LCORL: variants seen among roughly 807,000 people sequenced by gnomAD.
LCORL encodes ligand dependent nuclear receptor corepressor like.
LCORL carries 41 observed loss-of-function variants against 141.8 expected under a neutral mutation model. The ratio of observed to expected loss-of-function variants is 0.29; its 90% CI spans 0.23 to 0.38. The LOEUF (loss-of-function observed/expected upper bound fraction) is 0.38. Ranked by LOEUF, LCORL falls within the 10% of genes least tolerant of loss-of-function variation. The probability of loss-of-function intolerance (pLI) is 1.00; values close to 1 mark genes in which losing one functional copy is unlikely to be tolerated. For synonymous variants in LCORL, 618 were observed against 694.1 expected (o/e 0.89, Z 1.72); for missense variants, 1,759 against 2,035.0 (o/e 0.86, Z 2.61).
chr4:17,985,022 TAAAC>T (rs1718707018), intron 1 of LCORL, among the ~76,000 whole-genome samples: 1 of 151,946 alleles, frequency 6.6e-6, no homozygotes, highest in South Asian at 2.1e-4. Context: ...ATCCAAAAGA[TAAAC>T]AACGTGCTAT....
chr4:17,915,607 C>G (rs1267114660), intron 4 of LCORL, among the ~76,000 whole-genome samples: 2 of 152,126 alleles, frequency 1.3e-5, no homozygotes, highest in African/African-American at 2.4e-5. Context: ...ATAGCCACAG[C>G]CTTTAAGAAG....
intron 1 of LCORL, among the ~76,000 whole-genome samples, chr4:18,008,861 T>C (rs1723221175): frequency 1.3e-5 from 2 of 152,206 alleles, no homozygotes; most frequent in South Asian, 2.1e-4. Flanking sequence ...TGTTTTTAAA[T>C]ACTTTTATGT....
intron 7 of LCORL, among the ~76,000 whole-genome samples, chr4:17,852,162 T>C (rs1723804096): frequency 6.6e-6 from 1 of 152,150 alleles, no homozygotes; most frequent in Non-Finnish European, 1.5e-5. Flanking sequence ...CTCTGTTTCA[T>C]AAAATGATTA....
chr4:17,957,690 T>G (rs1712951412), intron 4 of LCORL, among the ~76,000 whole-genome samples: 1 of 152,018 alleles, frequency 6.6e-6, no homozygotes, highest in Admixed American at 6.6e-5. Flanking sequence ...GTTCTTAGAA[T>G]TTGTTTACTA....
intron 1 of LCORL, among the ~76,000 whole-genome samples, chr4:17,999,009 CAT>C (rs146713785): frequency 0.059 from 5,837 of 99,312 alleles, 183 homozygotes; most frequent in Middle Eastern, 0.09. Flanking sequence ...TATATACACA[CAT>C]ATATATATAT....
At chr4:17,877,883 A>G in exon 7 of LCORL, 1 of 1,230,734 alleles carries the variant, frequency 8.1e-7, no homozygotes, top group Non-Finnish European at 1.0e-6. Context: ...AAGATAAACA[A>G]TGTAAATCTT....
chr4:17,843,157 G>T, exon 8 of LCORL: 1 of 825,922 alleles, frequency 1.2e-6, no homozygotes, highest in East Asian at 2.7e-5. Flanking sequence ...TTGACATTGA[G>T]ATTTTAGTTT....
rs181569406 is a variant in LCORL, at chr4:17,900,519, A to G, written c.682+8575T>C. Among the ~76,000 whole-genome samples the G allele has an allele frequency of 4.0e-4, 61 of 152,300 alleles. 1 individual carries two copies. The South Asian group carries it at 0.011, about 28-fold the overall frequency. ...GTCTTCCTCAACGATCTTATCTAAA[A>G]TAACCTCTCAGTCACTTTTGATATC... On this transcript the variant is annotated intron_variant, in intron 5 of 7. Transcript: ENST00000635767.
At chr4:17,911,473 G>T (rs1577394874) in intron 4 of LCORL, among the ~76,000 whole-genome samples, 2 of 152,324 alleles carry the variant, frequency 1.3e-5, no homozygotes, top group East Asian at 3.9e-4. Flanking sequence ...CAGTATCAGT[G>T]CAACATGAGT....
intron 1 of LCORL, among the ~76,000 whole-genome samples, chr4:18,012,699 A>T (rs1056227026): frequency 5.9e-5 from 9 of 152,214 alleles, no homozygotes; most frequent in African/African-American, 1.9e-4. Context: ...TACATGTAGA[A>T]TCCATACTAA....
chr4:17,956,806 C>T (rs115243813), intron 4 of LCORL, among the ~76,000 whole-genome samples: 30 of 151,912 alleles, frequency 2.0e-4, no homozygotes, highest in African/African-American at 7.0e-4. Flanking sequence ...GTTCTCAACA[C>T]AAAAATAACT....
chr4:17,982,773 T>C (rs1275500925), intron 1 of LCORL, among the ~76,000 whole-genome samples: 2 of 151,932 alleles, frequency 1.3e-5, no homozygotes, highest in Non-Finnish European at 2.9e-5. Context: ...CTTTAATTAG[T>C]TCCCATTTGC....
intron 6 of LCORL, chr4:17,881,792 T>C: frequency 3.1e-6 from 3 of 981,570 alleles, no homozygotes; most frequent in Non-Finnish European, 2.4e-6. Flanking sequence ...AAATTCTGTA[T>C]AAAGAGGTCA....
intron 1 of LCORL, among the ~76,000 whole-genome samples, chr4:18,000,334 CAG>C (rs981800552): frequency 9.2e-5 from 14 of 152,216 alleles, no homozygotes; most frequent in African/African-American, 3.4e-4. Context: ...ATAAAGGAAA[CAG>C]AGTGATTATC....
chr4:17,859,189 G>C (rs1343580382), intron 7 of LCORL, among the ~76,000 whole-genome samples: 1 of 152,184 alleles, frequency 6.6e-6, no homozygotes, highest in Non-Finnish European at 1.5e-5. Context: ...AATAGGCTTT[G>C]TGTTTAACGG....
intron 4 of LCORL, among the ~76,000 whole-genome samples, chr4:17,943,778 T>A (rs1738370789): frequency 6.6e-6 from 1 of 152,166 alleles, no homozygotes; most frequent in Admixed American, 6.5e-5. Context: ...ATAGGACCTT[T>A]GGTTTTTAAA....
Position 17,871,238 on chromosome 4 carries a change from T to C in LCORL, c.5602+2150A>G, listed in dbSNP as rs571129386. ...TTTATAAAAATAATGTCCTTGTTGA[T>C]TGACTAAAAAAAAAGAATGTTAAAA... On this transcript the variant is annotated intron_variant, in intron 7 of 7. Coordinates refer to ENST00000635767, the Ensembl canonical transcript of LCORL. Among the ~76,000 whole-genome samples the C allele has an allele frequency of 7.3e-5, 11 of 151,438 alleles. No individual in the cohort carries two copies. The South Asian group carries it at 1.9e-3, about 26-fold the overall frequency.
intron 6 of LCORL, chr4:17,883,649 C>T (rs1560286725): frequency 6.9e-7 from 1 of 1,447,326 alleles, no homozygotes; most frequent in East Asian, 2.5e-5. Flanking sequence ...CAAATACACA[C>T]CTGTGCACAT....
chr4:17,885,066 A>C (rs1728092705), intron 6 of LCORL, among the ~76,000 whole-genome samples: 1 of 151,942 alleles, frequency 6.6e-6, no homozygotes, highest in African/African-American at 2.4e-5. Flanking sequence ...AGCAACACTT[A>C]TAAATTTTAT....
Sources: allele counts gnomAD v4.1 joint callset (sites outside exome capture counted in the v4.1 genomes callset), GRCh38; gene constraint gnomAD v4.1.1; transcripts MANE v1.5; gene names NCBI Gene and HGNC (gene_info 2026-07-23, HGNC 2026-07-21).